Variants in WDPCP observed in about 807,000 individuals in gnomAD.
WDPCP encodes the protein WD repeat-containing and planar cell polarity effector protein fritz homolog.
A neutral mutation model predicts 93.1 loss-of-function variants in WDPCP; 71 were observed. The observed-to-expected ratio is 0.76, with a 90% CI of 0.63 to 0.93. WDPCP has a LOEUF of 0.93. WDPCP is among the 40% of genes least tolerant of loss of function. The pLI is 0.00. For missense variants in WDPCP, 844 were observed against 887.4 expected (o/e 0.95, Z 0.62); for synonymous variants, 315 against 315.0 (o/e 1.00, Z 0.00).
chr2:63,154,580 T>C (rs982966988), intron 15 of WDPCP, among the ~76,000 whole-genome samples: 6 of 152,186 alleles, frequency 3.9e-5, no homozygotes, highest in Non-Finnish European at 8.8e-5. Flanking sequence ...TTTTTGAAAA[T>C]TATGAATAAA....
At chr2:63,371,523 C>T (rs1032095818) in intron 12 of WDPCP, among the ~76,000 whole-genome samples, 2 of 152,172 alleles carry the variant, frequency 1.3e-5, no homozygotes, top group Non-Finnish European at 2.9e-5. Flanking sequence ...GACCTGGCCA[C>T]TTGCTGCCTC....
At chr2:63,294,166 T>C (rs1684660308) in intron 13 of WDPCP, among the ~76,000 whole-genome samples, 1 of 152,196 alleles carries the variant, frequency 6.6e-6, no homozygotes, top group African/African-American at 2.4e-5. Context: ...CCAGTAGATT[T>C]CCCATCAAAG....
intron 14 of WDPCP, among the ~76,000 whole-genome samples, chr2:63,245,496 C>G (rs1680201195): frequency 6.6e-6 from 1 of 152,092 alleles, no homozygotes; most frequent in African/African-American, 2.4e-5. Context: ...CTATAAATGA[C>G]TTGTATACAC....
chr2:63,548,296 G>C (rs868047414), intron 1 of WDPCP, among the ~76,000 whole-genome samples: 9 of 151,858 alleles, frequency 5.9e-5, no homozygotes, highest in Non-Finnish European at 1.0e-4. Context: ...AGCAAAAAAG[G>C]CTTTTTAAAT....
intron 12 of WDPCP, among the ~76,000 whole-genome samples, chr2:63,367,087 A>C (rs1009002969): frequency 6.6e-6 from 1 of 151,194 alleles, no homozygotes; most frequent in Non-Finnish European, 1.5e-5. Context: ...AAATATATGC[A>C]ATCATCATTT....
At chr2:63,486,708 G>A in intron 3 of WDPCP, 122 bp from the exon 4 acceptor site, 1 of 820,774 alleles carries the variant, frequency 1.2e-6, no homozygotes, top group East Asian at 2.9e-5. Flanking sequence ...GCATTATTGA[G>A]ATTAATAAAT....
At chr2:63,358,278 T>A (rs1690173729) in intron 12 of WDPCP, among the ~76,000 whole-genome samples, 1 of 152,314 alleles carries the variant, frequency 6.6e-6, no homozygotes, top group Middle Eastern at 3.4e-3. Flanking sequence ...TTTGCATTCT[T>A]ATAATATTTC....
chr2:63,393,929 G>T (rs770251400), intron 10 of WDPCP, among the ~76,000 whole-genome samples: 1 of 152,114 alleles, frequency 6.6e-6, no homozygotes, highest in Non-Finnish European at 1.5e-5. Flanking sequence ...ATTAAAGATG[G>T]ATTAAAGACT....
intron 2 of WDPCP, among the ~76,000 whole-genome samples, chr2:63,796,524 T>G (rs1382817477): frequency 1.3e-5 from 2 of 152,188 alleles, no homozygotes; most frequent in Non-Finnish European, 2.9e-5. Flanking sequence ...GCAGTGGCTG[T>G]GTGGCACAAA....
intron 2 of WDPCP, among the ~76,000 whole-genome samples, chr2:63,797,143 T>G (rs1399112728): frequency 6.6e-6 from 1 of 152,128 alleles, no homozygotes; most frequent in Non-Finnish European, 1.5e-5. Context: ...CATTACCTGT[T>G]AACTAAACAG....
intron 14 of WDPCP, among the ~76,000 whole-genome samples, chr2:63,183,082 C>A (rs1674374413): frequency 6.6e-6 from 1 of 151,816 alleles, no homozygotes; most frequent in African/African-American, 2.4e-5. Context: ...TATCAACGAA[C>A]CAACTTTCTG....
At chr2:63,612,548 C>T (rs532340472) in intron 3 of WDPCP, among the ~76,000 whole-genome samples, 1 of 152,290 alleles carries the variant, frequency 6.6e-6, no homozygotes, top group African/African-American at 2.4e-5. Flanking sequence ...ATGAAGAAGA[C>T]AGAAAGTTGG....
At chr2:63,329,663 A>T (rs1687834452) in intron 12 of WDPCP, among the ~76,000 whole-genome samples, 2 of 152,182 alleles carry the variant, frequency 1.3e-5, no homozygotes, top group South Asian at 4.1e-4. Context: ...TCATTTAAAA[A>T]AATTTTAAAT....
intron 15 of WDPCP, among the ~76,000 whole-genome samples, chr2:63,155,417 C>T (rs1672171041): frequency 6.6e-6 from 1 of 152,094 alleles, no homozygotes. Context: ...TACCTTTGTA[C>T]TTTTGTCAAA....
chr2:63,605,426 ATT>A (rs1486493767), intron 3 of WDPCP: 10 of 1,457,850 alleles, frequency 6.9e-6, no homozygotes, highest in Non-Finnish European at 8.7e-6. Flanking sequence ...AGGTCACTCT[ATT>A]TTATTTTTGT....
At chr2:63,383,543 T>C (rs1252838395) in intron 10 of WDPCP, among the ~76,000 whole-genome samples, 1 of 152,080 alleles carries the variant, frequency 6.6e-6, no homozygotes, top group East Asian at 1.9e-4. Context: ...GGCAAAACAG[T>C]CTTTACTAAA....
At chr2:63,568,033 G>T (rs1237839398) in intron 1 of WDPCP, among the ~76,000 whole-genome samples, 1 of 152,076 alleles carries the variant, frequency 6.6e-6, no homozygotes, top group African/African-American at 2.4e-5. Flanking sequence ...TTCCATTATG[G>T]GTAGATTAAG....
chr2:63,426,194 G>C (rs1039753527), intron 9 of WDPCP, among the ~76,000 whole-genome samples: 1 of 152,158 alleles, frequency 6.6e-6, no homozygotes, highest in Non-Finnish European at 1.5e-5. Context: ...ACAAAAATTA[G>C]CTGGGCGTGG....
intron 2 of WDPCP, among the ~76,000 whole-genome samples, chr2:63,689,232 T>TA (rs57303972): frequency 0.13 from 20,101 of 152,000 alleles, 2,591 homozygotes; most frequent in African/African-American, 0.34. Context: ...ATTTCTTTTT[T>TA]AAAAAAATGA....
Sources: gnomAD v4.1 joint callset for allele counts (sites outside exome capture counted in the v4.1 genomes callset) on GRCh38, gnomAD v4.1.1 for gene constraint, MANE v1.5 for transcripts, NCBI Gene and HGNC (gene_info 2026-07-23, HGNC 2026-07-21) for gene names.